Variants in RPRD1A observed in about 807,000 individuals in gnomAD.
RPRD1A encodes the protein regulation of nuclear pre-mRNA domain containing 1A, also known as regulation of nuclear pre-mRNA domain-containing protein 1A.
RPRD1A carries 9 observed loss-of-function variants against 37.8 expected under a neutral mutation model. That is an observed-to-expected ratio of 0.24 (90% CI 0.14 to 0.42). RPRD1A has a LOEUF of 0.42. RPRD1A is among the 10% of genes least tolerant of loss of function. The pLI is 1.00. For synonymous variants in RPRD1A, 138 were observed against 139.7 expected, an observed-to-expected ratio of 0.99 and a Z score of 0.08; for missense variants, 255 against 371.0, an observed-to-expected ratio of 0.69 and a Z score of 2.57.
At chr18:36,036,895 G>C (rs1720367845) in intron 1 of RPRD1A, among the ~76,000 whole-genome samples, 1 of 152,188 alleles carries the variant, frequency 6.6e-6, no homozygotes, top group African/African-American at 2.4e-5. Context: ...TGACAGGTCT[G>C]ACTTAGTTAA....
intron 1 of RPRD1A, among the ~76,000 whole-genome samples, chr18:36,056,364 T>G (rs1163967269): frequency 6.6e-6 from 1 of 151,984 alleles, no homozygotes; most frequent in Non-Finnish European, 1.5e-5. Context: ...CTCGGCTCAC[T>G]GCAACCTCCA....
intron 1 of RPRD1A, among the ~76,000 whole-genome samples, chr18:36,051,805 A>C (rs2144381567): frequency 6.6e-6 from 1 of 152,324 alleles, no homozygotes; most frequent in South Asian, 2.1e-4. Flanking sequence ...TCTGAGGAGC[A>C]GAAAGAAAAA....
rs1219717983 is a variant in RPRD1A at position 36,040,841 on chromosome 18, A to G, written c.152-7004T>C. The G allele has an allele frequency of 2.0e-6, 3 of 1,524,126 alleles. No homozygotes were observed. The Admixed American group carries it at 6.1e-5, about 31-fold the overall frequency. 94.4% of individuals were successfully genotyped at this position (1,524,126 alleles called of 1,614,324 possible). On this transcript the variant is annotated intron_variant, in intron 1 of 6. Transcript: ENST00000399022. ...CTGTTTGACAAAATCTCCAATTGGA[A>G]TTTCTCATTTGTTGCACCTCCACTC...
chr18:35,992,795 T>C lies in RPRD1A; in HGVS notation c.*356A>G. The C allele has an allele frequency of 5.7e-6, 1 of 176,316 alleles. No homozygotes were observed. The highest frequency in any genetic ancestry group is 1.7e-4 in the East Asian group (1 of 5,822). The allele number at this position is 176,316 out of a possible 1,614,324, so 10.9% of individuals were successfully genotyped here. On this transcript the variant is annotated 3_prime_UTR_variant, in exon 7 of 7. Coordinates refer to ENST00000399022, the MANE Select transcript of RPRD1A (RefSeq NM_018170.5). ...TCAGGAATTACATAGTATACAGTGA[T>C]TAAATGCTGAAGAAAATAAAGAAAA...
intron 1 of RPRD1A, among the ~76,000 whole-genome samples, chr18:36,050,814 G>A (rs934894655): frequency 2.6e-5 from 4 of 151,046 alleles, no homozygotes; most frequent in Admixed American, 2.6e-4. Context: ...AAAAGTGTTG[G>A]GATTACAGGT....
At chr18:36,064,757 T>G (rs1428440920) in intron 1 of RPRD1A, among the ~76,000 whole-genome samples, 2 of 152,138 alleles carry the variant, frequency 1.3e-5, no homozygotes, top group African/African-American at 4.8e-5. Context: ...CCCGCTTGCG[T>G]CCACTTCCCT....
intron 1 of RPRD1A, among the ~76,000 whole-genome samples, chr18:36,044,634 G>T (rs1912823527): frequency 6.6e-6 from 1 of 152,020 alleles, no homozygotes; most frequent in African/African-American, 2.4e-5. Context: ...GTTACAGTGA[G>T]CCAAGATGAC....
At chr18:36,007,273 TCAGAACTATCC>T (rs1909801751) in intron 6 of RPRD1A, among the ~76,000 whole-genome samples, 1 of 152,150 alleles carries the variant, frequency 6.6e-6, no homozygotes. Flanking sequence ...AGCAAGCAGG[TCAGAACTATCC>T]CATGATGGCG....
intron 1 of RPRD1A, among the ~76,000 whole-genome samples, chr18:36,039,597 G>A (rs1194694024): frequency 2.0e-5 from 3 of 152,224 alleles, no homozygotes; most frequent in Admixed American, 1.3e-4. Context: ...ATGGTAGAAA[G>A]TGGTAGGAGA....
At chr18:36,058,200 AC>A (rs2144408814) in intron 1 of RPRD1A, among the ~76,000 whole-genome samples, 1 of 151,846 alleles carries the variant, frequency 6.6e-6, no homozygotes, top group East Asian at 1.9e-4. Flanking sequence ...GCACCACCAC[AC>A]CCTGTTAATT....
At chr18:36,026,849 A>C in intron 6 of RPRD1A, 51 bp downstream of exon 6, 1 of 1,510,258 alleles carries the variant, frequency 6.6e-7, no homozygotes, top group Non-Finnish European at 9.0e-7. Flanking sequence ...AAAATTCCTA[A>C]CAAAAAGAGA....
chr18:36,006,296 A>C (rs1303518921), intron 6 of RPRD1A, among the ~76,000 whole-genome samples: 2 of 152,124 alleles, frequency 1.3e-5, no homozygotes, highest in African/African-American at 4.8e-5. Context: ...CTCCCACCTC[A>C]GCCTCCCAAG....
chr18:35,996,089 A>C (rs932652704), intron 6 of RPRD1A, among the ~76,000 whole-genome samples: 9 of 152,308 alleles, frequency 5.9e-5, no homozygotes, highest in African/African-American at 2.2e-4. Context: ...AATTAAGAAA[A>C]TCTGAATAAA....
chr18:36,015,635 GC>G (rs1190685978), intron 6 of RPRD1A, among the ~76,000 whole-genome samples: 1 of 152,188 alleles, frequency 6.6e-6, no homozygotes, highest in Admixed American at 6.5e-5. Context: ...TTACTATTCG[GC>G]CTTAAAAAGG....
intron 6 of RPRD1A, among the ~76,000 whole-genome samples, chr18:36,018,690 G>A (rs1020231001): frequency 6.6e-6 from 1 of 152,028 alleles, no homozygotes; most frequent in African/African-American, 2.4e-5. Flanking sequence ...AACAAAACAA[G>A]GTTCATCTCA....
chr18:36,023,703 C>T (rs1911161508), intron 6 of RPRD1A, among the ~76,000 whole-genome samples: 3 of 152,218 alleles, frequency 2.0e-5, no homozygotes, highest in Admixed American at 2.0e-4. Context: ...CCACATCCTT[C>T]AGCAATCACC....
chr18:36,015,151 C>CAT (rs1910436167), intron 6 of RPRD1A, among the ~76,000 whole-genome samples: 5 of 132,204 alleles, frequency 3.8e-5, no homozygotes, highest in Admixed American at 7.7e-5. Flanking sequence ...CACACACACA[C>CAT]ACACACATAT....
At chr18:36,009,972 T>C (rs1910071905) in intron 6 of RPRD1A, among the ~76,000 whole-genome samples, 2 of 152,204 alleles carry the variant, frequency 1.3e-5, no homozygotes, top group Admixed American at 6.5e-5. Flanking sequence ...TTCTCTCCCT[T>C]CATTATATCT....
intron 6 of RPRD1A, chr18:36,025,816 G>A: frequency 3.4e-6 from 1 of 297,970 alleles, no homozygotes; most frequent in Non-Finnish European, 6.3e-6. Context: ...TTCATCACAA[G>A]GTGAAATAGT....
Sources: allele counts gnomAD v4.1 joint callset (sites outside exome capture counted in the v4.1 genomes callset), GRCh38; gene constraint gnomAD v4.1.1; transcripts MANE v1.5; gene names NCBI Gene and HGNC (gene_info 2026-07-23, HGNC 2026-07-21).